HTD2: variants seen among roughly 807,000 people sequenced by gnomAD.
HTD2 encodes hydroxyacyl-thioester dehydratase type 2.
HTD2 carries 1 observed loss-of-function variant against 3.1 expected under a neutral mutation model. The ratio of observed to expected loss-of-function variants is 0.32; its 90% CI spans 0.11 to 1.52. The LOEUF (loss-of-function observed/expected upper bound fraction) is 1.52. Ranked by LOEUF, HTD2 falls within the 40% of genes most tolerant of loss-of-function variation. The probability of loss-of-function intolerance (pLI) is 0.39; values close to 1 mark genes in which losing one functional copy is unlikely to be tolerated. For synonymous variants in HTD2, 50 were observed against 28.9 expected, an observed-to-expected ratio of 1.73 and a Z score of -2.34; for missense variants, 150 against 79.6, an observed-to-expected ratio of 1.88 and a Z score of -3.36.
In HTD2 at chr3:58,317,836, C is replaced by G. The variant is rs1419369105; in HGVS notation, c.223C>G (p.His75Asp). The G allele has an allele frequency of 5.7e-6, 4 of 703,052 alleles. No individual in the cohort carries two copies. Among genetic ancestry groups the G allele is most frequent in the South Asian group, 4.4e-5 (3 of 67,604 alleles). The allele number at this position is 703,052 out of a possible 1,614,324, so 43.6% of individuals were successfully genotyped here. A position where few individuals can be genotyped will look rare whatever the true frequency, so the allele number is the denominator to read the frequency against. The change falls in exon 5 of 5, where the codon CAC becomes GAC. Residue 75 changes from histidine (H) to aspartate (D), a missense_variant. By Grantham distance (81) the His-to-Asp change is moderately conservative (BLOSUM62 -1). Coordinates refer to ENST00000461393, the MANE Select transcript of HTD2 (RefSeq NM_001348712.2). ...GCATTTGAATGAAGACTTTGCAAAA[C>G]ACACCAAGTTTGGAAATACAATTGT... is the stretch of plus-strand genomic sequence containing the variant. ...PLHLNEDFAK[H>D]TKFGNTIVHG...
At chr3:58,313,859 G>A (rs78577035) in intron 2 of HTD2, among the ~76,000 whole-genome samples, 6,968 of 152,162 alleles carry the variant, frequency 0.046, 560 homozygotes, top group African/African-American at 0.16. Flanking sequence ...TGTAAACCAC[G>A]TATCCAACAA....
At chr3:58,307,079 T>C (rs1314615376) in intron 1 of HTD2, among the ~76,000 whole-genome samples, 1 of 152,056 alleles carries the variant, frequency 6.6e-6, no homozygotes, top group Non-Finnish European at 1.5e-5. Context: ...GGGGAAAAGC[T>C]AGAGCCGAGG....
In HTD2 at chr3:58,316,514, G is replaced by T; in HGVS notation, c.-330-1G>T. 1 of 1,613,560 alleles carries T rather than the reference G, an allele frequency of 6.2e-7. No individual in the cohort carries two copies. The highest frequency in any genetic ancestry group is 1.1e-5 in the South Asian group (1 of 91,066). On this transcript the variant is annotated splice_acceptor_variant, in intron 2 of 4. Transcript: ENST00000461393. LOFTEE classifies it low-confidence loss of function (5UTR_SPLICE). ...TGCTAATAGCATTATTCCATATGCA[G>T]GTTGATGCCGCCTTACCTTTGGACA...
intron 1 of HTD2, among the ~76,000 whole-genome samples, chr3:58,307,338 C>T (rs896553854): frequency 6.6e-6 from 1 of 152,168 alleles, no homozygotes; most frequent in Non-Finnish European, 1.5e-5. Context: ...GACTCACTGG[C>T]CGCCGTAGGG....
intron 1 of HTD2, among the ~76,000 whole-genome samples, chr3:58,308,744 A>C (rs1021851557): frequency 6.6e-6 from 1 of 152,220 alleles, no homozygotes; most frequent in Non-Finnish European, 1.5e-5. Flanking sequence ...ATTGGGCCTC[A>C]GTTTCCTGTT....
In HTD2 at chr3:58,306,545, G is replaced by A. The variant is rs541348993; in HGVS notation, c.-522G>A. ...GTCCTCTCCGACCCCGGGCGCTGAG[G>A]GCCTCTGTACGGCGCCGCGTAGGGT... is the stretch of plus-strand genomic sequence containing the variant. On this transcript the variant is annotated 5_prime_UTR_variant, in exon 1 of 5. Coordinates refer to ENST00000461393, the MANE Select transcript of HTD2 (RefSeq NM_001348712.2). 26 of 152,376 alleles carry A rather than the reference G, an allele frequency of 1.7e-4. No homozygotes were observed. Among genetic ancestry groups the A allele is most frequent in the African/African-American group, 6.0e-4 (25 of 41,602 alleles). The allele number at this position is 152,376 out of a possible 1,614,324, so 9.4% of individuals were successfully genotyped here. A position where few individuals can be genotyped will look rare whatever the true frequency, so the allele number is the denominator to read the frequency against.
intron 2 of HTD2, among the ~76,000 whole-genome samples, chr3:58,312,960 CAAAA>C (rs35853424): frequency 7.6e-5 from 6 of 79,032 alleles, no homozygotes; most frequent in Admixed American, 3.1e-4. Flanking sequence ...GACTCTGTCT[CAAAA>C]AAAAAAAAAA....
At chr3:58,316,150 G>A (rs182744832) in intron 2 of HTD2, among the ~76,000 whole-genome samples, 50 of 152,362 alleles carry the variant, frequency 3.3e-4, no homozygotes, top group East Asian at 9.6e-4. Context: ...TAATGTCTTG[G>A]TTCTTGTAGT....
Position 58,317,421 on chromosome 3 carries a change from C to T in HTD2, c.-174-19C>T. 1 of 1,566,076 alleles carries T rather than the reference C, an allele frequency of 6.4e-7. No homozygotes were observed. The highest frequency in any genetic ancestry group is 8.8e-7 in the Non-Finnish European group (1 of 1,140,116). On this transcript the variant is annotated intron_variant, in intron 4 of 4. Coordinates refer to ENST00000461393, the MANE Select transcript of HTD2 (RefSeq NM_001348712.2). Reference sequence around the variant, plus strand: ...GTGTGGTTTCTCCCAATGCCTTAACCTTTTTCTTTCTCTTCTAGGTTTCTC... The same window carrying T: ...GTGTGGTTTCTCCCAATGCCTTAACTTTTTTCTTTCTCTTCTAGGTTTCTC...
intron 1 of HTD2, among the ~76,000 whole-genome samples, chr3:58,309,718 TG>T (rs2097479986): frequency 6.6e-6 from 1 of 152,204 alleles, no homozygotes; most frequent in South Asian, 2.1e-4. Flanking sequence ...GGTGAAACCC[TG>T]TCTCTACTAA....
chr3:58,310,302 A>C (rs1246578853), intron 1 of HTD2: 2 of 1,603,220 alleles, frequency 1.2e-6, no homozygotes, highest in Non-Finnish European at 1.7e-6. Flanking sequence ...CTCTTGACTT[A>C]CTGTAGGTGT....
chr3:58,317,711 A>C lies in HTD2; in HGVS notation c.98A>C (p.His33Pro). 2.8e-6 allele frequency: 2 copies of C among 704,082 alleles called. No homozygotes were observed. Among genetic ancestry groups the C allele is most frequent in the South Asian group, 3.0e-5 (2 of 67,632 alleles). 43.6% of individuals were successfully genotyped at this position (704,082 alleles called of 1,614,324 possible). A position where few individuals can be genotyped will look rare whatever the true frequency, so the allele number is the denominator to read the frequency against. The change falls in exon 5 of 5, where the codon CAT (histidine) becomes CCT (proline). Residue 33 changes from histidine to proline, a missense_variant. Physicochemically the swap from His to Pro is moderately conservative, Grantham distance 77 (BLOSUM62 -2). Coordinates refer to ENST00000461393, the MANE Select transcript of HTD2 (RefSeq NM_001348712.2). ...GTGCTGACCCTGCAGCACTTTCAGC[A>C]TATGCACATCAAAGTTGGAGACCGC... ...LPVLTLQHFQ[H>P]MHIKVGDRAE...
intron 2 of HTD2, among the ~76,000 whole-genome samples, chr3:58,311,135 TTTTG>T (rs1356057295): frequency 1.3e-5 from 1 of 76,568 alleles, no homozygotes; most frequent in Non-Finnish European, 2.5e-5. Flanking sequence ...GAAATCTACT[TTTTG>T]TTGTTGTTGT....
intron 1 of HTD2, 82 bp from the exon 2 acceptor site, chr3:58,310,425 G>C (rs375349060): frequency 3.7e-6 from 6 of 1,612,062 alleles, no homozygotes; most frequent in Non-Finnish European, 5.1e-6. Flanking sequence ...AGTTTCCTAA[G>C]TTCTATTTTA....
chr3:58,316,428 G>T, intron 2 of HTD2, 87 bp from the exon 3 acceptor site: 3 of 1,245,930 alleles, frequency 2.4e-6, no homozygotes, highest in Non-Finnish European at 3.5e-6. Context: ...GAGGAGAAAA[G>T]CTCAAAACTC....
intron 2 of HTD2, among the ~76,000 whole-genome samples, chr3:58,315,457 G>A (rs1034488765): frequency 2.0e-5 from 3 of 152,130 alleles, no homozygotes; most frequent in African/African-American, 7.2e-5. Context: ...ATCATTGATT[G>A]TGGTGGTAGT....
intron 1 of HTD2, among the ~76,000 whole-genome samples, chr3:58,308,849 C>CGTCTT (rs148164312): frequency 0.069 from 10,544 of 152,178 alleles, 465 homozygotes; most frequent in South Asian, 0.087. Flanking sequence ...TCAGAGAAGA[C>CGTCTT]CTTCATGAAG....
intron 3 of HTD2, 113 bp from the exon 4 acceptor site, chr3:58,316,801 TC>T: frequency 1.0e-6 from 1 of 989,630 alleles, no homozygotes; most frequent in East Asian, 2.5e-5. Context: ...GCTGTAGTTT[TC>T]CCATTGATGG....
intron 3 of HTD2, 92 bp from the exon 4 acceptor site, chr3:58,316,822 CA>C (rs1476603753): frequency 8.6e-7 from 1 of 1,161,868 alleles, no homozygotes; most frequent in Non-Finnish European, 1.3e-6. Context: ...GTTATAGTTG[CA>C]AAGTCAGAAG....
Sources: gnomAD v4.1 joint callset for allele counts (sites outside exome capture counted in the v4.1 genomes callset) on GRCh38, gnomAD v4.1.1 for gene constraint, MANE v1.5 for transcripts, NCBI Gene and HGNC (gene_info 2026-07-23, HGNC 2026-07-21) for gene names.